FIG4: variants seen among roughly 807,000 people sequenced by gnomAD.
The protein encoded by FIG4 is polyphosphoinositide phosphatase.
A neutral mutation model predicts 118.6 loss-of-function variants in FIG4; 112 were observed. The ratio of observed to expected loss-of-function variants is 0.94; its 90% confidence interval spans 0.81 to 1.11. The LOEUF (loss-of-function observed/expected upper bound fraction) is 1.11. Among genes scored for constraint, FIG4 ranks in the 50% least tolerant of loss-of-function variants. FIG4 has a pLI of 0.00. For missense variants in FIG4, 969 were observed against 1,111.7 expected, an observed-to-expected ratio of 0.87 and a Z score of 1.83; for synonymous variants, 369 against 381.2, an observed-to-expected ratio of 0.97 and a Z score of 0.37.
intron 4 of FIG4, among the ~76,000 whole-genome samples, chr6:109,729,626 A>G (rs2128384599): frequency 6.6e-6 from 1 of 152,222 alleles, no homozygotes; most frequent in East Asian, 1.9e-4. Flanking sequence ...TGACTAAGAA[A>G]AGATGGCTGG....
Position 109,786,374 on chromosome 6 carries a change from A to T in FIG4, c.2021A>T (p.His674Leu). 1 of 1,613,976 alleles carries T rather than the reference A, an allele frequency of 6.2e-7. No homozygotes were observed. Among genetic ancestry groups the T allele is most frequent in the South Asian group, 1.1e-5 (1 of 91,076 alleles). The change falls in exon 18 of 23, where the codon CAC (histidine) becomes CTC (leucine). Residue 674 changes from histidine (H) to leucine (L), a missense_variant. His to Leu is a moderately conservative substitution (Grantham distance 99). Around this residue, in one of 3 missense-constraint regions of FIG4, gnomAD observed 330 missense variants for 348.1 expected, o/e 0.95. Transcript: ENST00000230124. Reference protein sequence around the residue: ...FHKYEEEIDIHNEFFRPYELS... With the variant: ...FHKYEEEIDILNEFFRPYELS... Reference sequence around the variant, plus strand: ...AAATATGAAGAAGAGATTGATATCCACAATGAGTTCTTTCGGCCATATGAG... The same window carrying T: ...AAATATGAAGAAGAGATTGATATCCTCAATGAGTTCTTTCGGCCATATGAG...
intron 22 of FIG4, among the ~76,000 whole-genome samples, chr6:109,800,065 T>G (rs917685310): frequency 3.5e-4 from 53 of 152,192 alleles, no homozygotes; most frequent in Admixed American, 2.6e-4. Context: ...CATCTCCATT[T>G]TACAGATGGG....
At chr6:109,733,248 A>G (rs1476623714) in intron 5 of FIG4, among the ~76,000 whole-genome samples, 2 of 152,136 alleles carry the variant, frequency 1.3e-5, no homozygotes, top group African/African-American at 4.8e-5. Flanking sequence ...TCTATTTATA[A>G]TAGCCCAAAC....
chr6:109,700,700 A>G (rs558927097), intron 1 of FIG4, among the ~76,000 whole-genome samples: 2 of 152,358 alleles, frequency 1.3e-5, no homozygotes, highest in Admixed American at 6.5e-5. Flanking sequence ...GATTGTCCAC[A>G]TGGGTGGCTG....
At chr6:109,707,017 G>A (rs1775088926) in intron 1 of FIG4, among the ~76,000 whole-genome samples, 1 of 152,108 alleles carries the variant, frequency 6.6e-6, no homozygotes, top group African/African-American at 2.4e-5. Context: ...TTGCCTGTCT[G>A]TCTAACTGCA....
At chr6:109,767,220 A>AT (rs149100337) in intron 15 of FIG4, among the ~76,000 whole-genome samples, 1,549 of 152,208 alleles carry the variant, frequency 0.01, 17 homozygotes, top group South Asian at 0.021. Flanking sequence ...GTGTTGAGTC[A>AT]TTTTTTTAAA....
chr6:109,789,782 A>G (rs936654308), intron 19 of FIG4, 105 bp downstream of exon 19: 4 of 785,966 alleles, frequency 5.1e-6, no homozygotes, highest in Non-Finnish European at 8.9e-6. Flanking sequence ...TATATAGTTT[A>G]TTAATAACAC....
intron 3 of FIG4, among the ~76,000 whole-genome samples, chr6:109,721,333 CCTT>C (rs1373103192): frequency 1.3e-5 from 2 of 151,972 alleles, no homozygotes; most frequent in African/African-American, 4.8e-5. Context: ...GGGGTTTTGT[CCTT>C]CTCTGCTGGA....
intron 10 of FIG4, among the ~76,000 whole-genome samples, chr6:109,756,193 T>G (rs1473023592): frequency 6.6e-6 from 1 of 152,156 alleles, no homozygotes; most frequent in African/African-American, 2.4e-5. Context: ...CCTTTACTTA[T>G]GAAGCTTAGT....
chr6:109,700,489 T>C (rs947561094), intron 1 of FIG4, among the ~76,000 whole-genome samples: 1 of 152,184 alleles, frequency 6.6e-6, no homozygotes, highest in Non-Finnish European at 1.5e-5. Context: ...ATTCCCTTTT[T>C]CCCCCTGTTA....
chr6:109,761,479 G>A (rs944472498), intron 11 of FIG4, among the ~76,000 whole-genome samples: 1 of 152,018 alleles, frequency 6.6e-6, no homozygotes, highest in Non-Finnish European at 1.5e-5. Flanking sequence ...TCCACCTCCC[G>A]GGTTCACGCC....
intron 22 of FIG4, among the ~76,000 whole-genome samples, chr6:109,824,821 GGTGTACACAGA>G (rs1230637669): frequency 6.6e-6 from 1 of 151,854 alleles, no homozygotes; most frequent in Non-Finnish European, 1.5e-5. Flanking sequence ...TGCAGACGTG[GGTGTACACAGA>G]GATGTGGAAA....
intron 22 of FIG4, among the ~76,000 whole-genome samples, chr6:109,812,124 T>C (rs886894150): frequency 6.6e-6 from 1 of 152,164 alleles, no homozygotes; most frequent in Non-Finnish European, 1.5e-5. Flanking sequence ...TTGTCACTTC[T>C]CCTTCCTGCC....
At position 109,738,341 on chromosome 6, in the gene FIG4, T is replaced by TA. The variant is rs1776222569; in HGVS notation, c.664dup (p.Ser222LysfsTer2). The TA allele has an allele frequency of 1.2e-6, 2 of 1,606,766 alleles. No homozygotes were observed. Among genetic ancestry groups the TA allele is most frequent in the Admixed American group, 3.3e-5 (2 of 59,924 alleles). ...ATTTTTCAGGGGTATTTGGGATCTG[T>TA]AGTGAGCCTTATATGAAATATGTAT... is the stretch of plus-strand genomic sequence containing the variant. On this transcript the variant is annotated frameshift_variant, in exon 7 of 23. Coordinates refer to ENST00000230124, the MANE Select transcript of FIG4 (RefSeq NM_014845.6). LOFTEE classifies it high-confidence loss of function.
chr6:109,814,174 T>C (rs1778796235), intron 22 of FIG4, among the ~76,000 whole-genome samples: 1 of 152,176 alleles, frequency 6.6e-6, no homozygotes, highest in Admixed American at 6.5e-5. Context: ...TTAAAGACAG[T>C]CTCGCTCTGT....
chr6:109,725,731 C>G (rs1366114515), intron 3 of FIG4, among the ~76,000 whole-genome samples: 2 of 152,200 alleles, frequency 1.3e-5, no homozygotes, highest in Non-Finnish European at 2.9e-5. Context: ...TAAAAGTTTT[C>G]CTGTTTCTCC....
At chr6:109,749,079 G>T (rs1352203448) in intron 10 of FIG4, among the ~76,000 whole-genome samples, 1 of 148,814 alleles carries the variant, frequency 6.7e-6, no homozygotes. Flanking sequence ...GTGTGTGTGT[G>T]TGTGTGTGTG....
intron 4 of FIG4, among the ~76,000 whole-genome samples, chr6:109,732,269 C>T (rs955230938): frequency 2.0e-5 from 3 of 152,116 alleles, no homozygotes; most frequent in Non-Finnish European, 2.9e-5. Context: ...ACCCACATTG[C>T]GCTTGTTGTT....
intron 1 of FIG4, among the ~76,000 whole-genome samples, chr6:109,710,019 G>C (rs534540859): frequency 1.3e-5 from 2 of 152,316 alleles, no homozygotes; most frequent in Admixed American, 6.5e-5. Flanking sequence ...GTTGAGAGAA[G>C]ACATTCTTGT....
Sources: allele counts gnomAD v4.1 joint callset (sites outside exome capture counted in the v4.1 genomes callset), GRCh38; gene constraint gnomAD v4.1.1; regional missense constraint gnomAD v4.1.1; transcripts MANE v1.5; gene names NCBI Gene and HGNC (gene_info 2026-07-23, HGNC 2026-07-21).